FBXW8: variants seen among roughly 807,000 people sequenced by gnomAD.
FBXW8 encodes the protein F-box and WD repeat domain containing 8.
In FBXW8, 57 loss-of-function variants were observed where a neutral mutation model predicts 65.3. That is an observed-to-expected ratio of 0.87 (90% confidence interval 0.71 to 1.09). The LOEUF (loss-of-function observed/expected upper bound fraction) is 1.09, where lower values mean the gene tolerates loss of function less well. Among genes scored for constraint, FBXW8 ranks in the 50% least tolerant of loss-of-function variants. The probability of loss-of-function intolerance (pLI) is 0.00; values close to 1 mark genes in which losing one functional copy is unlikely to be tolerated. For synonymous variants in FBXW8, 308 were observed against 330.2 expected (o/e 0.93, Z 0.73); for missense variants, 777 against 814.8 (o/e 0.95, Z 0.57).
chr12:116,962,394 C>T (rs192640450), intron 4 of FBXW8, among the ~76,000 whole-genome samples: 1 of 152,284 alleles, frequency 6.6e-6, no homozygotes, highest in Admixed American at 6.5e-5. Context: ...ATTTTGGCTC[C>T]GAACTCTTTG....
rs574520256 is a variant in FBXW8, at chr12:116,928,885, A to G, written c.423+758A>G. Among the ~76,000 whole-genome samples the G allele has an allele frequency of 1.3e-5, 2 of 151,694 alleles. 1 individual carries two copies. The highest frequency in any genetic ancestry group is 1.3e-4 in the Admixed American group (2 of 15,266). On this transcript the variant is annotated intron_variant, in intron 2 of 10. Coordinates refer to ENST00000652555, the MANE Select transcript of FBXW8 (RefSeq NM_153348.3). ...GAGTGCAGTGGGACGATCTTGGCTC[A>G]CTGCAACCTCTGCCTCCCAGGCCCA...
At chr12:117,003,602 A>T (rs1165081850) in intron 7 of FBXW8, among the ~76,000 whole-genome samples, 3 of 152,202 alleles carry the variant, frequency 2.0e-5, no homozygotes, top group African/African-American at 7.2e-5. Flanking sequence ...CCAAAAGTGC[A>T]TTCTTTAGAA....
chr12:116,945,544 T>C lies in FBXW8; in HGVS notation c.588+16T>C, dbSNP rs551713565. 114 of 1,609,022 alleles carry C rather than the reference T, an allele frequency of 7.1e-5. 3 individuals carry two copies. In the South Asian group the frequency reaches 1.2e-3, roughly 17 times the overall value. ...CAACTGGAAGGTGGGCAGTGGCCAA[T>C]ATCATTACCTGTGAAAGAATAGCCT... On this transcript the variant is annotated intron_variant, in intron 3 of 10. Coordinates refer to ENST00000652555, the MANE Select transcript of FBXW8 (RefSeq NM_153348.3).
chr12:116,973,466 C>T (rs1884751031), intron 5 of FBXW8, among the ~76,000 whole-genome samples: 1 of 152,206 alleles, frequency 6.6e-6, no homozygotes, highest in African/African-American at 2.4e-5. Flanking sequence ...ATAAAGTGAT[C>T]ACATTTAACA....
At chr12:117,009,286 G>A (rs186736464) in intron 7 of FBXW8, among the ~76,000 whole-genome samples, 87 of 152,156 alleles carry the variant, frequency 5.7e-4, no homozygotes, top group African/African-American at 2.0e-3. Context: ...CCAGCTACTC[G>A]GGAGGCTGAG....
At chr12:116,964,886 G>T in intron 5 of FBXW8, 32 bp downstream of exon 5, 5 of 1,405,316 alleles carry the variant, frequency 3.6e-6, no homozygotes, top group Non-Finnish European at 4.7e-6. Flanking sequence ...CCCTATTAAG[G>T]AAAAAAAAAA....
intron 5 of FBXW8, among the ~76,000 whole-genome samples, chr12:116,971,844 C>T (rs1335796557): frequency 1.3e-5 from 2 of 152,076 alleles, no homozygotes; most frequent in Non-Finnish European, 2.9e-5. Context: ...CCTGCATGCC[C>T]GTATTGACCT....
chr12:116,968,464 G>A lies in FBXW8; in HGVS notation c.835+3610G>A, dbSNP rs77482219. ...ATCTTAAAAGGGAGTGCATGTCTGT[G>A]TAGAGAGAGTACCCCGTTTGCACAC... On this transcript the variant is annotated intron_variant, in intron 5 of 10. Coordinates refer to ENST00000652555, the MANE Select transcript of FBXW8 (RefSeq NM_153348.3). 8.2e-3 allele frequency among the ~76,000 whole-genome samples: 1,255 copies of A among 152,318 alleles called. 18 individuals are homozygous for A. The highest frequency in any genetic ancestry group is 0.029 in the African/African-American group (1,193 of 41,566).
At chr12:116,930,754 C>T (rs1305943687) in intron 2 of FBXW8, among the ~76,000 whole-genome samples, 1 of 152,148 alleles carries the variant, frequency 6.6e-6, no homozygotes, top group East Asian at 1.9e-4. Context: ...GTTTCTTTCC[C>T]ATAGTTTTAC....
chr12:116,997,187 G>A (rs1435221008), intron 7 of FBXW8, among the ~76,000 whole-genome samples: 1 of 152,212 alleles, frequency 6.6e-6, no homozygotes, highest in Non-Finnish European at 1.5e-5. Context: ...TCAAGACAGA[G>A]CGAGAAACCT....
At chr12:117,000,497 T>G (rs1344673933) in intron 7 of FBXW8, among the ~76,000 whole-genome samples, 2 of 152,366 alleles carry the variant, frequency 1.3e-5, no homozygotes, top group Middle Eastern at 3.4e-3. Context: ...CACTGAGCAC[T>G]GGCCCCACCC....
chr12:116,942,770 A>ATTTTTTTTT (rs71099022), intron 2 of FBXW8, among the ~76,000 whole-genome samples: 1 of 64,358 alleles, frequency 1.6e-5, no homozygotes, highest in African/African-American at 6.4e-5. Context: ...CAGAGCTTCT[A>ATTTTTTTTT]TTTTTTTTTT....
At chr12:116,994,998 C>T (rs563547091) in intron 7 of FBXW8, among the ~76,000 whole-genome samples, 68 of 152,318 alleles carry the variant, frequency 4.5e-4, no homozygotes, top group African/African-American at 1.4e-3. Flanking sequence ...GGTTCTTGGA[C>T]GGCTTTTCTC....
At chr12:116,991,581 G>C (rs1953241715) in intron 7 of FBXW8, among the ~76,000 whole-genome samples, 1 of 152,214 alleles carries the variant, frequency 6.6e-6, no homozygotes, top group African/African-American at 2.4e-5. Context: ...CGTTTTATTA[G>C]GCTGGTGTGA....
chr12:116,914,602 C>T (rs1217817029), intron 1 of FBXW8, among the ~76,000 whole-genome samples: 1 of 143,624 alleles, frequency 7.0e-6, no homozygotes, highest in Admixed American at 7.0e-5. Flanking sequence ...AAGGCTGGGC[C>T]TGGTGGCTCA....
intron 1 of FBXW8, among the ~76,000 whole-genome samples, chr12:116,923,612 C>A (rs1222177304): frequency 6.6e-6 from 1 of 152,090 alleles, no homozygotes; most frequent in African/African-American, 2.4e-5. Context: ...TAAGCTCTGC[C>A]TGCCGGGTTC....
At chr12:117,022,283 A>G (rs1219729356) in intron 8 of FBXW8, among the ~76,000 whole-genome samples, 4 of 152,020 alleles carry the variant, frequency 2.6e-5, no homozygotes, top group Non-Finnish European at 5.9e-5. Flanking sequence ...CTAAGTTTTC[A>G]GATTTGGAGA....
At chr12:116,911,817 C>T (rs751693460) in intron 1 of FBXW8, among the ~76,000 whole-genome samples, 4 of 152,108 alleles carry the variant, frequency 2.6e-5, no homozygotes, top group Non-Finnish European at 5.9e-5. Flanking sequence ...AGTAATTTTA[C>T]CTTTGTATAC....
At chr12:116,955,046 G>C (rs1041398055) in intron 4 of FBXW8, among the ~76,000 whole-genome samples, 59 of 150,994 alleles carry the variant, frequency 3.9e-4, no homozygotes, top group Admixed American at 1.8e-3. Context: ...TGGGGGGGGG[G>C]GGCCCTGTAT....
Sources: gnomAD v4.1 joint callset for allele counts (sites outside exome capture counted in the v4.1 genomes callset) on GRCh38, gnomAD v4.1.1 for gene constraint, MANE v1.5 for transcripts, NCBI Gene and HGNC (gene_info 2026-07-23, HGNC 2026-07-21) for gene names.